Variants in TMTC2 observed in about 807,000 individuals in gnomAD.
TMTC2 encodes transmembrane O-mannosyltransferase targeting cadherins 2.
TMTC2 carries 43 observed loss-of-function variants against 82.4 expected under a neutral mutation model. The observed-to-expected ratio is 0.52, with a 90% confidence interval of 0.41 to 0.67. The LOEUF (loss-of-function observed/expected upper bound fraction) is 0.67, where lower values mean the gene tolerates loss of function less well. Among genes scored for constraint, TMTC2 ranks in the 30% least tolerant of loss-of-function variants. TMTC2 has a pLI of 0.00. For synonymous variants in TMTC2, 408 were observed against 381.9 expected (o/e 1.07, Z -0.80); for missense variants, 919 against 1,012.4 (o/e 0.91, Z 1.25).
At chr12:82,802,504 A>G (rs1020778986) in intron 1 of TMTC2, among the ~76,000 whole-genome samples, 3 of 152,128 alleles carry the variant, frequency 2.0e-5, no homozygotes, top group Non-Finnish European at 4.4e-5. Context: ...GCACGCTGTC[A>G]CCTCTCACTT....
intron 3 of TMTC2, among the ~76,000 whole-genome samples, chr12:82,921,096 T>C (rs972348714): frequency 6.6e-6 from 1 of 152,144 alleles, no homozygotes. Flanking sequence ...GGTTTTTTTT[T>C]CCCCCTAGCA....
chr12:83,114,246 G>A (rs539321293), intron 11 of TMTC2, among the ~76,000 whole-genome samples: 13 of 149,068 alleles, frequency 8.7e-5, no homozygotes, highest in Admixed American at 2.0e-4. Flanking sequence ...CTCAAGATGC[G>A]AGTAAATCCC....
chr12:82,984,849 T>G (rs1879085378), intron 7 of TMTC2, among the ~76,000 whole-genome samples: 1 of 152,124 alleles, frequency 6.6e-6, no homozygotes, highest in Non-Finnish European at 1.5e-5. Flanking sequence ...TTCCAACTTT[T>G]TTATCCTGCT....
intron 1 of TMTC2, among the ~76,000 whole-genome samples, chr12:82,796,247 A>G (rs945314366): frequency 1.4e-4 from 21 of 152,132 alleles, no homozygotes; most frequent in African/African-American, 5.1e-4. Context: ...AGCATTGAGA[A>G]CTAGTGAGGG....
In TMTC2 at chr12:82,688,028, C is replaced by T. The variant is rs1024048319; in HGVS notation, c.83+359C>T. ...CAACAAAGCACATTAAGTGATTTTA[C>T]GTCTGGTTGGGAGGAAGCCTCTCCT... On this transcript the variant is annotated intron_variant, in intron 1 of 11. Coordinates refer to ENST00000321196, the MANE Select transcript of TMTC2 (RefSeq NM_152588.3). Among the ~76,000 whole-genome samples the T allele has an allele frequency of 3.5e-4, 53 of 152,170 alleles. 1 individual carries two copies. Among genetic ancestry groups the T allele is most frequent in the Admixed American group, 2.4e-3 (37 of 15,284 alleles).
intron 1 of TMTC2, among the ~76,000 whole-genome samples, chr12:82,788,081 G>T (rs1878273650): frequency 6.6e-6 from 1 of 151,986 alleles, no homozygotes; most frequent in South Asian, 2.1e-4. Flanking sequence ...AGACTTTCCA[G>T]TGTCCCCACA....
intron 8 of TMTC2, among the ~76,000 whole-genome samples, chr12:83,011,099 T>C (rs991380701): frequency 2.0e-5 from 3 of 152,214 alleles, no homozygotes; most frequent in Non-Finnish European, 4.4e-5. Context: ...CATCCCAAAG[T>C]GTTGGGATTA....
At chr12:82,790,990 T>C (rs925110572) in intron 1 of TMTC2, among the ~76,000 whole-genome samples, 3 of 152,100 alleles carry the variant, frequency 2.0e-5, no homozygotes, top group Non-Finnish European at 2.9e-5. Context: ...TTGAGTGAGC[T>C]CATCCATATG....
At chr12:82,894,553 A>G (rs1408128587) in intron 2 of TMTC2, among the ~76,000 whole-genome samples, 1 of 152,230 alleles carries the variant, frequency 6.6e-6, no homozygotes, top group African/African-American at 2.4e-5. Context: ...ACAATTCTAT[A>G]CAACGCCAGG....
chr12:82,766,964 A>G (rs1192088386), intron 1 of TMTC2, among the ~76,000 whole-genome samples: 2 of 152,010 alleles, frequency 1.3e-5, no homozygotes, highest in Admixed American at 6.6e-5. Flanking sequence ...ACACCCAGAT[A>G]ATTTTTTTGT....
chr12:82,970,843 A>C (rs1474203287), intron 7 of TMTC2, among the ~76,000 whole-genome samples: 1 of 152,150 alleles, frequency 6.6e-6, no homozygotes, highest in African/African-American at 2.4e-5. Flanking sequence ...TCTCTCAGTA[A>C]CTGCAGTCAA....
At chr12:82,776,466 A>T (rs933859321) in intron 1 of TMTC2, among the ~76,000 whole-genome samples, 9 of 151,986 alleles carry the variant, frequency 5.9e-5, no homozygotes, top group Admixed American at 5.9e-4. Flanking sequence ...TATCATACTA[A>T]ACAAGCTTTA....
chr12:83,108,800 G>A (rs1358332217), intron 11 of TMTC2, among the ~76,000 whole-genome samples: 1 of 152,152 alleles, frequency 6.6e-6, no homozygotes, highest in African/African-American at 2.4e-5. Flanking sequence ...CTGCTTCAGT[G>A]ATTAAAGTTA....
intron 8 of TMTC2, among the ~76,000 whole-genome samples, chr12:82,991,238 G>GT (rs142359129): frequency 0.22 from 32,801 of 151,342 alleles, 3,774 homozygotes; most frequent in Middle Eastern, 0.25. Context: ...TAAGTGTGGA[G>GT]TTTTTTTTTC....
intron 1 of TMTC2, among the ~76,000 whole-genome samples, chr12:82,801,688 G>T (rs1023034269): frequency 2.6e-5 from 4 of 152,024 alleles, no homozygotes; most frequent in Non-Finnish European, 5.9e-5. Flanking sequence ...TAGACACAGG[G>T]TGCTGATTGA....
intron 8 of TMTC2, among the ~76,000 whole-genome samples, chr12:83,012,480 A>G (rs1880503997): frequency 6.6e-6 from 1 of 152,170 alleles, no homozygotes; most frequent in Non-Finnish European, 1.5e-5. Context: ...TGAAGGCTGA[A>G]TTTAAAGAGT....
At chr12:82,781,702 G>GTT (rs1251785252) in intron 1 of TMTC2, among the ~76,000 whole-genome samples, 1,934 of 126,162 alleles carry the variant, frequency 0.015, 56 homozygotes, top group African/African-American at 0.054. Flanking sequence ...TATTATTATT[G>GTT]TTTTTTTTTT....
chr12:82,784,443 T>C lies in TMTC2; in HGVS notation c.84-72567T>C, dbSNP rs116356172. ...ACATGGAGTTGGGTATTAGGTCTCA[T>C]GTAATTACTATGATCGCACGGCCTG... On this transcript the variant is annotated intron_variant, in intron 1 of 11. Coordinates refer to ENST00000321196, the MANE Select transcript of TMTC2 (RefSeq NM_152588.3). Among the ~76,000 whole-genome samples, 499 of 152,240 alleles carry C rather than the reference T, an allele frequency of 3.3e-3. 3 individuals carry two copies. Among genetic ancestry groups the C allele is most frequent in the African/African-American group, 0.01 (424 of 41,570 alleles).
At position 82,896,652 on chromosome 12, in the gene TMTC2, C is replaced by T. The variant is rs1555195354; in HGVS notation, c.1483+6C>T. On this transcript the variant is annotated splice_donor_region_variant and intron_variant, in intron 3 of 11. Coordinates refer to ENST00000321196, the MANE Select transcript of TMTC2 (RefSeq NM_152588.3). ...AAAAGTAAACCCAGCTAAAGGTAAT[C>T]TTTTATTTTATGCTTTTGTCTGGAT... 1 of 1,583,840 alleles carries T rather than the reference C, an allele frequency of 6.3e-7. No homozygotes were observed. Among genetic ancestry groups the T allele is most frequent in the East Asian group, 2.2e-5 (1 of 44,678 alleles).
Sources: allele counts gnomAD v4.1 joint callset (sites outside exome capture counted in the v4.1 genomes callset), GRCh38; gene constraint gnomAD v4.1.1; transcripts MANE v1.5; gene names NCBI Gene and HGNC (gene_info 2026-07-23, HGNC 2026-07-21).